Variants in ACACA observed in about 807,000 individuals in gnomAD.
The protein encoded by ACACA is acetyl-CoA carboxylase 1.
ACACA carries 103 observed loss-of-function variants against 296.1 expected under a neutral mutation model. That is an observed-to-expected ratio of 0.35 (90% CI 0.30 to 0.41). The LOEUF (loss-of-function observed/expected upper bound fraction) is 0.41. Among genes scored for constraint, ACACA ranks in the 10% least tolerant of loss-of-function variants. The pLI is 1.00. For missense variants in ACACA, 1,554 were observed against 2,989.7 expected (o/e 0.52, Z 11.20); for synonymous variants, 953 against 1,038.6 (o/e 0.92, Z 1.58).
chr17:37,390,778 G>A (rs2050847882), intron 1 of ACACA, among the ~76,000 whole-genome samples: 1 of 150,750 alleles, frequency 6.6e-6, no homozygotes, highest in East Asian at 2.0e-4. Context: ...GGGAAAAAGG[G>A]TGAGACCCTG....
chr17:37,175,044 C>G (rs1004650188), intron 41 of ACACA, among the ~76,000 whole-genome samples: 1 of 152,134 alleles, frequency 6.6e-6, no homozygotes, highest in African/African-American at 2.4e-5. Flanking sequence ...TGCCCATGTT[C>G]TGATATGGTA....
At chr17:37,307,089 A>G (rs556038420) in intron 3 of ACACA, among the ~76,000 whole-genome samples, 3 of 152,218 alleles carry the variant, frequency 2.0e-5, no homozygotes, top group African/African-American at 4.8e-5. Flanking sequence ...TAGTTTGTTC[A>G]TTTTCATTTC....
At chr17:37,393,676 T>C (rs2050974678) in intron 1 of ACACA, among the ~76,000 whole-genome samples, 1 of 152,074 alleles carries the variant, frequency 6.6e-6, no homozygotes. Context: ...AACCCGTCTC[T>C]ACTAAAAATA....
intron 3 of ACACA, among the ~76,000 whole-genome samples, chr17:37,311,120 A>C (rs1312673623): frequency 6.6e-6 from 1 of 152,214 alleles, no homozygotes; most frequent in Non-Finnish European, 1.5e-5. Flanking sequence ...GAGCAGTTTC[A>C]ATAGCATAGT....
rs374326629 is a variant in ACACA, at chr17:37,226,328, A to G, written c.3360+11T>C. 6.2e-7 allele frequency: 1 copy of G among 1,607,082 alleles called. No individual in the cohort carries two copies. The highest frequency in any genetic ancestry group is 8.5e-7 in the Non-Finnish European group (1 of 1,173,590). The stretch of plus-strand genomic sequence containing the variant: ...CATCCCTCCTTTAAGAAAACCAACA[A>G]ATGTCCTTACCTGGCGTGCTCGAAG... On this transcript the variant is annotated intron_variant, in intron 26 of 55. Transcript: ENST00000616317.
At position 37,277,907 on chromosome 17, in the gene ACACA, T is replaced by C; in HGVS notation, c.709A>G (p.Ile237Val). ...TTGGCATCTCTTACTTGTACTGGGA[T>C]CCTTTTAGCAATATCAAGAATTAAT... The part of the protein sequence containing the change: ...VELILDIAKR[I>V]PVQAVWAGWG... The change falls in exon 6 of 56, where the codon ATC (isoleucine) becomes GTC (valine). Residue 237 changes from isoleucine to valine, a missense_variant. Coordinates refer to ENST00000616317, the MANE Select transcript of ACACA (RefSeq NM_198834.3). 6.2e-7 allele frequency: 1 copy of C among 1,613,038 alleles called. No homozygotes were observed. The highest frequency in any genetic ancestry group is 8.5e-7 in the Non-Finnish European group (1 of 1,178,998).
chr17:37,105,635 C>A (rs372173184), intron 52 of ACACA, among the ~76,000 whole-genome samples: 1 of 151,968 alleles, frequency 6.6e-6, no homozygotes, highest in African/African-American at 2.4e-5. Flanking sequence ...GAGGCCGAGG[C>A]GGGCGGATCA....
At chr17:37,132,856 T>C (rs1441227654) in intron 45 of ACACA, among the ~76,000 whole-genome samples, 1 of 152,232 alleles carries the variant, frequency 6.6e-6, no homozygotes, top group African/African-American at 2.4e-5. Context: ...CTGCCACTTA[T>C]CTATTCTACC....
At chr17:37,342,436 A>AATATATATAT (rs1295176626) in intron 1 of ACACA, among the ~76,000 whole-genome samples, 84 of 58,210 alleles carry the variant, frequency 1.4e-3, no homozygotes, top group South Asian at 2.7e-3. Flanking sequence ...AAAAAAAAAA[A>AATATATATAT]ATATATATAT....
At chr17:37,162,467 G>A in intron 41 of ACACA, 1 of 312,632 alleles carries the variant, frequency 3.2e-6, no homozygotes, top group South Asian at 3.0e-5. Context: ...CCTAACATTA[G>A]AGGTGGGGCC....
intron 1 of ACACA, chr17:37,366,894 C>T (rs2049625477): frequency 6.6e-6 from 1 of 152,106 alleles, no homozygotes. Context: ...TTGTGACCAG[C>T]ATGACCAACA....
chr17:37,340,216 T>G (rs1218769674), intron 1 of ACACA, among the ~76,000 whole-genome samples: 4 of 152,212 alleles, frequency 2.6e-5, no homozygotes, highest in Non-Finnish European at 5.9e-5. Context: ...TACAATTCAC[T>G]TAAGCTCTGA....
intron 1 of ACACA, among the ~76,000 whole-genome samples, chr17:37,370,598 A>T (rs1418880805): frequency 6.6e-6 from 1 of 151,546 alleles, no homozygotes; most frequent in Non-Finnish European, 1.5e-5. Context: ...TGGACGTTGC[A>T]GTGAGCCGAG....
At chr17:37,378,935 C>G (rs2050124537) in intron 1 of ACACA, among the ~76,000 whole-genome samples, 1 of 151,952 alleles carries the variant, frequency 6.6e-6, no homozygotes, top group Non-Finnish European at 1.5e-5. Flanking sequence ...GTGGCATACA[C>G]CTGTAGTCCC....
intron 35 of ACACA, among the ~76,000 whole-genome samples, chr17:37,194,933 AC>A (rs111271581): frequency 2.3e-4 from 34 of 150,566 alleles, no homozygotes; most frequent in Admixed American, 1.6e-3. Flanking sequence ...ATTCTCTGAC[AC>A]CCCCCCCACC....
At chr17:37,217,872 G>T (rs2079100179) in intron 29 of ACACA, among the ~76,000 whole-genome samples, 1 of 151,160 alleles carries the variant, frequency 6.6e-6, no homozygotes, top group Non-Finnish European at 1.5e-5. Context: ...TTTGAGACCA[G>T]CCTGGGAACA....
chr17:37,097,182 A>G lies in ACACA; in HGVS notation c.6721-16T>C. The stretch of plus-strand genomic sequence containing the variant: ...CCAGGATATCCTACATGCAGAGAAG[A>G]ATAAACTTAGCCCAGTCCTAATTCC... On this transcript the variant is annotated splice_polypyrimidine_tract_variant and intron_variant, in intron 53 of 55. Transcript: ENST00000616317. The surrounding 1 kb of genome is among the most constrained non-coding windows in gnomAD (Gnocchi z 4.8). The G allele has an allele frequency of 6.2e-7, 1 of 1,611,640 alleles. No individual in the cohort carries two copies. Among genetic ancestry groups the G allele is most frequent in the South Asian group, 1.1e-5 (1 of 91,076 alleles).
intron 21 of ACACA, among the ~76,000 whole-genome samples, chr17:37,244,342 G>C (rs1476967060): frequency 6.6e-6 from 1 of 151,730 alleles, no homozygotes; most frequent in Non-Finnish European, 1.5e-5. Context: ...CTCCAGCCTG[G>C]GCAACAGAGC....
At chr17:37,109,509 C>T (rs8066905) in intron 52 of ACACA, among the ~76,000 whole-genome samples, 25 of 152,288 alleles carry the variant, frequency 1.6e-4, no homozygotes, top group African/African-American at 6.0e-4. Flanking sequence ...CCCAAGCTGC[C>T]CTAGGCCAGA....
Sources: gnomAD v4.1 joint callset for allele counts (sites outside exome capture counted in the v4.1 genomes callset) on GRCh38, gnomAD v4.1.1 for gene constraint, Gnocchi (gnomAD v3.1) non-coding constraint, MANE v1.5 for transcripts, NCBI Gene and HGNC (gene_info 2026-07-23, HGNC 2026-07-21) for gene names.